Variants in BICD1 observed in about 807,000 individuals in gnomAD.
The protein encoded by BICD1 is BICD cargo adaptor 1.
BICD1 carries 35 observed loss-of-function variants against 92.5 expected under a neutral mutation model. That is an observed-to-expected ratio of 0.38 (90% CI 0.29 to 0.50). The LOEUF (loss-of-function observed/expected upper bound fraction) is 0.50. Among genes scored for constraint, BICD1 ranks in the 20% least tolerant of loss-of-function variants. The probability of loss-of-function intolerance (pLI) is 0.93; values close to 1 mark genes in which losing one functional copy is unlikely to be tolerated. For synonymous variants in BICD1, 429 were observed against 465.1 expected (o/e 0.92, Z 1.00); for missense variants, 950 against 1,189.8 (o/e 0.80, Z 2.97).
At chr12:32,306,162 T>C in intron 4 of BICD1, 40 bp downstream of exon 4, 1 of 1,509,076 alleles carries the variant, frequency 6.6e-7, no homozygotes, top group Non-Finnish European at 8.9e-7. Flanking sequence ...GAATTTCTTG[T>C]AGATTGCAGG....
intron 1 of BICD1, among the ~76,000 whole-genome samples, chr12:32,142,465 T>TC (rs79559193): frequency 3.2e-4 from 24 of 75,066 alleles, no homozygotes; most frequent in East Asian, 1.5e-3. Flanking sequence ...TATCTATCTA[T>TC]CTATCTATCT....
chr12:32,354,696 T>C (rs1013699649), intron 8 of BICD1, among the ~76,000 whole-genome samples: 1 of 152,226 alleles, frequency 6.6e-6, no homozygotes, highest in Non-Finnish European at 1.5e-5. Flanking sequence ...CAACTCTATG[T>C]GTTTGATTAT....
intron 5 of BICD1, among the ~76,000 whole-genome samples, chr12:32,329,954 C>A (rs1287663732): frequency 6.6e-6 from 1 of 152,108 alleles, no homozygotes; most frequent in African/African-American, 2.4e-5. Context: ...TAAAGAGAAG[C>A]AACAAAGCAC....
intron 2 of BICD1, among the ~76,000 whole-genome samples, chr12:32,289,789 G>T (rs991773790): frequency 6.6e-6 from 1 of 152,186 alleles, no homozygotes; most frequent in African/African-American, 2.4e-5. Context: ...ATAAATTCAG[G>T]CATATTTGCT....
chr12:32,295,844 G>A lies in BICD1; in HGVS notation c.579+1698G>A, dbSNP rs563694480. 2.0e-5 allele frequency among the ~76,000 whole-genome samples: 3 copies of A among 152,114 alleles called. No homozygotes were observed. In the East Asian group the frequency reaches 5.8e-4, roughly 29 times the overall value. ...ATTTTTGTATTTTCAGTAAAGACAG[G>A]GTTGTACCATGTTGGCCAAGCTGGT... On this transcript the variant is annotated intron_variant, in intron 3 of 9. Coordinates refer to ENST00000652176, the MANE Select transcript of BICD1 (RefSeq NM_001714.4).
intron 1 of BICD1, among the ~76,000 whole-genome samples, chr12:32,146,936 CCTT>C (rs1335630968): frequency 6.7e-5 from 10 of 150,268 alleles, no homozygotes; most frequent in East Asian, 5.9e-4. Flanking sequence ...CCTTCCTCCT[CCTT>C]CTTCTTCCTT....
intron 1 of BICD1, among the ~76,000 whole-genome samples, chr12:32,154,504 G>T (rs1943382268): frequency 6.6e-6 from 1 of 152,164 alleles, no homozygotes; most frequent in Admixed American, 6.5e-5. Flanking sequence ...ACCATTACTT[G>T]GTGTGAGTCC....
At chr12:32,239,511 A>G (rs1478988000) in intron 2 of BICD1, among the ~76,000 whole-genome samples, 1 of 146,346 alleles carries the variant, frequency 6.8e-6, no homozygotes. Context: ...GGTTGCAGTG[A>G]GCCGAGAGCG....
At position 32,109,586 on chromosome 12, in the gene BICD1, G is replaced by A. The variant is rs191136125; in HGVS notation, c.213+2042G>A. 1.5e-4 allele frequency: 22 copies of A among 151,624 alleles called. No homozygotes were observed. The East Asian group carries it at 3.3e-3, about 23-fold the overall frequency. The allele number at this position is 151,624 out of a possible 1,614,324, so 9.4% of individuals were successfully genotyped here. On this transcript the variant is annotated intron_variant, in intron 1 of 9. Transcript: ENST00000652176. Reference sequence around the variant, plus strand: ...GCAGGAGGTTAATAAAAATTTACCAGCATTATTTTTACTAAACGATTCTTG... The same window carrying A: ...GCAGGAGGTTAATAAAAATTTACCAACATTATTTTTACTAAACGATTCTTG...
intron 1 of BICD1, among the ~76,000 whole-genome samples, chr12:32,146,318 T>C (rs7977387): frequency 0.041 from 6,218 of 152,204 alleles, 414 homozygotes; most frequent in African/African-American, 0.14. Flanking sequence ...AGGTGGATGG[T>C]GATATCATGA....
intron 8 of BICD1, among the ~76,000 whole-genome samples, chr12:32,359,854 TATC>T (rs778588569): frequency 3.9e-5 from 6 of 152,158 alleles, no homozygotes; most frequent in Non-Finnish European, 8.8e-5. Context: ...GTGTTCCTTA[TATC>T]ATCAACTTCC....
At chr12:32,235,388 C>T (rs1946032936) in intron 2 of BICD1, among the ~76,000 whole-genome samples, 1 of 152,156 alleles carries the variant, frequency 6.6e-6, no homozygotes, top group Non-Finnish European at 1.5e-5. Context: ...TTGAATTAGT[C>T]TTTTGTTGGT....
Position 32,328,799 on chromosome 12 carries a change from A to T in BICD1, c.2100+244A>T, listed in dbSNP as rs1257216314. Among the ~76,000 whole-genome samples, 1 of 152,152 alleles carries T rather than the reference A, an allele frequency of 6.6e-6. No individual in the cohort carries two copies. The highest frequency in any genetic ancestry group is 1.5e-5 in the Non-Finnish European group (1 of 68,032). On this transcript the variant is annotated intron_variant, in intron 5 of 9. Coordinates refer to ENST00000652176, the MANE Select transcript of BICD1 (RefSeq NM_001714.4). The surrounding 1 kb of genome is among the most constrained non-coding windows in gnomAD (Gnocchi z 4.4). ...ACTTAAAGCAGGAACACAGGAGAAG[A>T]TCTAGATGCCTTTCTGCAGATGTAG... is the stretch of plus-strand genomic sequence containing the variant.
At chr12:32,133,359 A>G (rs1483797369) in intron 1 of BICD1, among the ~76,000 whole-genome samples, 1 of 151,970 alleles carries the variant, frequency 6.6e-6, no homozygotes, top group East Asian at 1.9e-4. Flanking sequence ...ATGGTGGTGC[A>G]CACCTGTAAT....
chr12:32,113,121 G>A (rs1203005914), intron 1 of BICD1, among the ~76,000 whole-genome samples: 1 of 152,148 alleles, frequency 6.6e-6, no homozygotes, highest in Non-Finnish European at 1.5e-5. Flanking sequence ...AGTATAGAAG[G>A]TTATGGTGAT....
intron 2 of BICD1, among the ~76,000 whole-genome samples, chr12:32,235,884 G>T (rs1234371391): frequency 6.6e-6 from 1 of 151,114 alleles, no homozygotes; most frequent in Non-Finnish European, 1.5e-5. Flanking sequence ...TGTATTTTTA[G>T]TAGAGACAGG....
chr12:32,107,567 C>G, intron 1 of BICD1, 23 bp downstream of exon 1: 3 of 1,555,954 alleles, frequency 1.9e-6, no homozygotes, highest in Non-Finnish European at 2.6e-6. Context: ...TCACCTCTCC[C>G]TTTCCTGGCC....
In BICD1 at chr12:32,158,475, T is replaced by A. The variant is rs941080391; in HGVS notation, c.213+50931T>A. On this transcript the variant is annotated intron_variant, in intron 1 of 9. Transcript: ENST00000652176. ...CCTGCCTGTATAAAAAAGAAAAATT[T>A]AAAAATTTAAAATAAAAAAAAATTA... 2.6e-5 allele frequency among the ~76,000 whole-genome samples: 4 copies of A among 152,198 alleles called. No homozygotes were observed. The East Asian group carries it at 7.7e-4, about 29-fold the overall frequency.
At chr12:32,111,662 C>T (rs190035624) in intron 1 of BICD1, among the ~76,000 whole-genome samples, 23 of 151,972 alleles carry the variant, frequency 1.5e-4, no homozygotes, top group African/African-American at 4.1e-4. Context: ...GCCTGGAGTG[C>T]GGTGGTGTGA....
Sources: allele counts gnomAD v4.1 joint callset (sites outside exome capture counted in the v4.1 genomes callset), GRCh38; gene constraint gnomAD v4.1.1; non-coding constraint Gnocchi (gnomAD v3.1); transcripts MANE v1.5; gene names NCBI Gene and HGNC (gene_info 2026-07-23, HGNC 2026-07-21).